VRK3: variants seen among roughly 807,000 people sequenced by gnomAD.
VRK3 encodes serine/threonine-protein kinase VRK3.
VRK3 carries 50 observed loss-of-function variants against 60.4 expected under a neutral mutation model. The ratio of observed to expected loss-of-function variants is 0.83; its 90% CI spans 0.66 to 1.05. VRK3 has a LOEUF of 1.05. Ranked by LOEUF, VRK3 falls within the 50% of genes least tolerant of loss-of-function variation. The probability of loss-of-function intolerance (pLI) is 0.00; values close to 1 mark genes in which losing one functional copy is unlikely to be tolerated. For synonymous variants in VRK3, 246 were observed against 227.8 expected (o/e 1.08, Z -0.72); for missense variants, 549 against 585.3 (o/e 0.94, Z 0.64).
intron 1 of VRK3, among the ~76,000 whole-genome samples, chr19:50,023,737 G>T (rs1047091391): frequency 7.0e-6 from 1 of 143,226 alleles, no homozygotes; most frequent in South Asian, 2.3e-4. Flanking sequence ...CAAGAAGGTG[G>T]GTGGGGGGGG....
At chr19:50,002,004 T>C (rs898471837) in intron 5 of VRK3, among the ~76,000 whole-genome samples, 2 of 152,096 alleles carry the variant, frequency 1.3e-5, no homozygotes, top group African/African-American at 4.8e-5. Context: ...CACATCAGGA[T>C]TGCTCCACAG....
At chr19:49,994,181 C>T (rs1471192537) in intron 9 of VRK3, among the ~76,000 whole-genome samples, 1 of 152,120 alleles carries the variant, frequency 6.6e-6, no homozygotes, top group African/African-American at 2.4e-5. Flanking sequence ...CAAACTGGGC[C>T]CTCTTACTCT....
At chr19:50,000,645 C>T in intron 6 of VRK3, 145 bp downstream of exon 6, 2 of 922,886 alleles carry the variant, frequency 2.2e-6, no homozygotes, top group Non-Finnish European at 3.3e-6. Context: ...GGCGCCTGCC[C>T]CGCCCACGGT....
In VRK3 at chr19:50,020,645, G is replaced by A. The variant is rs1332809327; in HGVS notation, c.-62C>T. The A allele has an allele frequency of 2.0e-5, 3 of 152,248 alleles. No individual in the cohort carries two copies. The highest frequency in any genetic ancestry group is 2.1e-4 in the South Asian group (1 of 4,830). 9.4% of individuals were successfully genotyped at this position (152,248 alleles called of 1,614,324 possible). On this transcript the variant is annotated splice_region_variant and 5_prime_UTR_variant, in exon 2 of 15. Coordinates refer to ENST00000316763, the MANE Select transcript of VRK3 (RefSeq NM_016440.4). ...GGGTTGGAAACTCCATCTTGACAGC[G>A]ACCTGTAAGTGAACAAAAGTGGAGA...
chr19:50,009,370 A>G lies in VRK3; in HGVS notation c.155T>C (p.Leu52Pro), dbSNP rs1442548944. Residue 52 changes from leucine (L) to proline (P), a missense_variant, in exon 4 of 15, where the codon CTG becomes CCG. By Grantham distance (98) the Leu-to-Pro change is moderately conservative (BLOSUM62 -3). Coordinates refer to ENST00000316763, the MANE Select transcript of VRK3 (RefSeq NM_016440.4). ...AGGAGAGGTTTCAAAACTGGAGTTC[A>G]GCCCTCTCTTTGAGCCTAAAGAAAG... ...VSSFQGSKRG[L>P]NSSFETSPKK... 19 of 1,613,692 alleles carry G rather than the reference A, an allele frequency of 1.2e-5. No individual in the cohort carries two copies. The highest frequency in any genetic ancestry group is 1.4e-5 in the Non-Finnish European group (17 of 1,179,870).
chr19:49,989,801 T>C lies in VRK3; in HGVS notation c.964-30A>G, dbSNP rs770397774. On this transcript the variant is annotated intron_variant, in intron 10 of 14. Coordinates refer to ENST00000316763, the MANE Select transcript of VRK3 (RefSeq NM_016440.4). ...GGACACAGGGAAAAGCCATACAGAT[T>C]GGAGGTTAGGAGCGTAGAAGTCAGA... 5.1e-6 allele frequency: 8 copies of C among 1,581,556 alleles called. No individual in the cohort carries two copies. In the South Asian group the frequency reaches 9.2e-5, roughly 18 times the overall value.
rs1039721835 is a variant in VRK3 at position 50,007,569 on chromosome 19, C to G, written c.547G>C (p.Ala183Pro). The part of the protein sequence containing the change: ...TRDNQGILYE[A>P]APTSTLTCDS... Reference sequence around the variant, plus strand: ...CTGGCCGCCCATGGACAGAGTGTACCTTCATAGAGAATGCCCTGGTTGTCC... The same window carrying G: ...CTGGCCGCCCATGGACAGAGTGTACGTTCATAGAGAATGCCCTGGTTGTCC... Residue 183 changes from alanine (A) to proline (P), a missense_variant and splice_region_variant, in exon 5 of 15, where the codon GCT (alanine) becomes CCT (proline). Coordinates refer to ENST00000316763, the MANE Select transcript of VRK3 (RefSeq NM_016440.4). The G allele has an allele frequency of 3.7e-6, 6 of 1,614,090 alleles. No homozygotes were observed. Among genetic ancestry groups the G allele is most frequent in the Non-Finnish European group, 5.1e-6 (6 of 1,180,038 alleles).
intron 1 of VRK3, among the ~76,000 whole-genome samples, chr19:50,023,746 G>C (rs959040634): frequency 6.6e-6 from 1 of 151,656 alleles, no homozygotes; most frequent in Non-Finnish European, 1.5e-5. Context: ...GGGTGGGGGG[G>C]GTCCCCAGCT....
intron 5 of VRK3, among the ~76,000 whole-genome samples, chr19:50,003,814 T>A (rs1342626029): frequency 6.6e-6 from 1 of 152,244 alleles, no homozygotes; most frequent in African/African-American, 2.4e-5. Context: ...AAATGCAAGC[T>A]CCGCATCAGC....
intron 9 of VRK3, among the ~76,000 whole-genome samples, chr19:49,994,304 G>A (rs1301987440): frequency 6.6e-6 from 1 of 152,146 alleles, no homozygotes; most frequent in African/African-American, 2.4e-5. Flanking sequence ...CAGAAACCAT[G>A]TTTATGCTGC....
At chr19:49,985,212 T>C (rs2076491257) in intron 12 of VRK3, among the ~76,000 whole-genome samples, 1 of 152,198 alleles carries the variant, frequency 6.6e-6, no homozygotes, top group Non-Finnish European at 1.5e-5. Flanking sequence ...GTGACTCGTT[T>C]TCACCTGGCT....
chr19:49,982,931 C>A (rs1198349028), intron 12 of VRK3, among the ~76,000 whole-genome samples: 1 of 152,048 alleles, frequency 6.6e-6, no homozygotes, highest in African/African-American at 2.4e-5. Context: ...GGTCTCTGAC[C>A]CTGCCTTCGC....
intron 5 of VRK3, 51 bp from the exon 6 acceptor site, chr19:50,000,905 G>C: frequency 6.4e-7 from 1 of 1,564,306 alleles, no homozygotes; most frequent in Non-Finnish European, 8.7e-7. Context: ...GGAAGGTCAG[G>C]GTCATCATCC....
At chr19:49,996,068 C>T (rs999270354) in intron 7 of VRK3, among the ~76,000 whole-genome samples, 24 of 152,098 alleles carry the variant, frequency 1.6e-4, no homozygotes, top group African/African-American at 5.3e-4. Flanking sequence ...ATCACAGGCA[C>T]GTGCCACCAC....
At chr19:50,003,826 G>A (rs1403159876) in intron 5 of VRK3, among the ~76,000 whole-genome samples, 1 of 152,272 alleles carries the variant, frequency 6.6e-6, no homozygotes, top group African/African-American at 2.4e-5. Context: ...CGCATCAGCA[G>A]GGCCTTCACC....
At chr19:49,979,766 G>T (rs752165475) in intron 13 of VRK3, among the ~76,000 whole-genome samples, 1 of 152,114 alleles carries the variant, frequency 6.6e-6, no homozygotes, top group African/African-American at 2.4e-5. Context: ...TAATTCAGCC[G>T]GGCGCGGTGG....
chr19:50,018,700 T>C (rs2077114927), intron 2 of VRK3, among the ~76,000 whole-genome samples: 1 of 152,116 alleles, frequency 6.6e-6, no homozygotes, highest in Non-Finnish European at 1.5e-5. Flanking sequence ...TAAAATAACA[T>C]CTCTTTCTCA....
At chr19:50,010,596 A>T (rs1205157490) in intron 3 of VRK3, among the ~76,000 whole-genome samples, 7 of 152,244 alleles carry the variant, frequency 4.6e-5, no homozygotes, top group African/African-American at 1.4e-4. Flanking sequence ...CAAACTGGTG[A>T]GAACGTGAAT....
chr19:50,024,474 A>G (rs2122747168), intron 1 of VRK3, among the ~76,000 whole-genome samples: 1 of 152,344 alleles, frequency 6.6e-6, no homozygotes, highest in East Asian at 1.9e-4. Flanking sequence ...TGGATTTTAA[A>G]GTTATAGATA....
Sources: gnomAD v4.1 joint callset for allele counts (sites outside exome capture counted in the v4.1 genomes callset) on GRCh38, gnomAD v4.1.1 for gene constraint, MANE v1.5 for transcripts, NCBI Gene and HGNC (gene_info 2026-07-23, HGNC 2026-07-21) for gene names.